Variants in GABBR2 observed in about 807,000 individuals in gnomAD.
GABBR2 encodes the protein G-protein coupled receptor 51.
Under a neutral mutation model 105.6 loss-of-function variants are expected in GABBR2, and 23 were observed. The ratio of observed to expected loss-of-function variants is 0.22; its 90% CI spans 0.16 to 0.31. The LOEUF (loss-of-function observed/expected upper bound fraction) is 0.31, where lower values mean the gene tolerates loss of function less well. Among genes scored for constraint, GABBR2 ranks in the 10% least tolerant of loss-of-function variants. The pLI is 1.00. For synonymous variants in GABBR2, 478 were observed against 499.7 expected, an observed-to-expected ratio of 0.96 and a Z score of 0.58; for missense variants, 734 against 1,245.5, an observed-to-expected ratio of 0.59 and a Z score of 6.18.
At chr9:98,325,283 C>CTTTTTTT (rs886288539) in intron 13 of GABBR2, among the ~76,000 whole-genome samples, 3 of 67,618 alleles carry the variant, frequency 4.4e-5, no homozygotes, top group African/African-American at 1.3e-4. Context: ...GACAGCAATT[C>CTTTTTTT]TTTTTTTTTT....
intron 1 of GABBR2, among the ~76,000 whole-genome samples, chr9:98,589,988 C>T (rs1829125044): frequency 6.6e-6 from 1 of 152,186 alleles, no homozygotes; most frequent in Non-Finnish European, 1.5e-5. Flanking sequence ...CTTGGCCTTC[C>T]AAAGTGCTAG....
intron 2 of GABBR2, 138 bp from the exon 3 acceptor site, chr9:98,542,181 T>G: frequency 1.5e-6 from 1 of 678,976 alleles, no homozygotes; most frequent in Non-Finnish European, 2.4e-6. Context: ...TAAAACTTTT[T>G]TATTGTAAGA....
chr9:98,577,887 G>T (rs767754249), intron 2 of GABBR2, 48 bp downstream of exon 2: 1 of 1,558,966 alleles, frequency 6.4e-7, no homozygotes, highest in South Asian at 1.2e-5. Flanking sequence ...AAAGACTGAG[G>T]GCCAACCAAA....
intron 6 of GABBR2, among the ~76,000 whole-genome samples, chr9:98,471,214 C>T (rs1175801129): frequency 1.3e-5 from 2 of 152,172 alleles, no homozygotes; most frequent in Non-Finnish European, 2.9e-5. Context: ...AATGCTTCCT[C>T]TTGCTTCAAA....
In GABBR2 at chr9:98,531,554, A is replaced by T. The variant is rs1297963169; in HGVS notation, c.630+10319T>A. On this transcript the variant is annotated intron_variant, in intron 3 of 18. Transcript: ENST00000259455. ...CCAGATGTGCACACACTGCTCCAAG[A>T]TGGCAGAAGCACTAGAAACTGGAGC... 4.6e-5 allele frequency among the ~76,000 whole-genome samples: 7 copies of T among 152,250 alleles called. No homozygotes were observed. The East Asian group carries it at 1.3e-3, about 29-fold the overall frequency.
At chr9:98,429,718 C>T (rs1825763952) in intron 7 of GABBR2, among the ~76,000 whole-genome samples, 1 of 152,170 alleles carries the variant, frequency 6.6e-6, no homozygotes, top group Non-Finnish European at 1.5e-5. Context: ...TTCCCAGGGA[C>T]TTCAGAACAA....
At chr9:98,304,944 T>G (rs1410623393) in intron 15 of GABBR2, among the ~76,000 whole-genome samples, 3 of 98,600 alleles carry the variant, frequency 3.0e-5, no homozygotes, top group African/African-American at 1.3e-4. Flanking sequence ...GCTTTTTTTT[T>G]GTATTTTTAG....
intron 13 of GABBR2, among the ~76,000 whole-genome samples, chr9:98,325,484 G>T (rs1302213688): frequency 3.3e-5 from 5 of 151,874 alleles, no homozygotes; most frequent in Non-Finnish European, 2.9e-5. Context: ...TAGAGATGGG[G>T]TTTCCCCATG....
chr9:98,645,992 G>A (rs1363668250), intron 1 of GABBR2, among the ~76,000 whole-genome samples: 1 of 152,194 alleles, frequency 6.6e-6, no homozygotes, highest in African/African-American at 2.4e-5. Context: ...AGCAGGCCAG[G>A]ATGTAAATCC....
chr9:98,482,761 T>C lies in GABBR2; in HGVS notation c.733-1764A>G, dbSNP rs190336743. ...TTCATCTCTGAGAAAGGGATAATCC[T>C]ATCTACCTTGCCCAGTGGTTGTCAA... is the stretch of plus-strand genomic sequence containing the variant. On this transcript the variant is annotated intron_variant, in intron 4 of 18. Transcript: ENST00000259455. 4.8e-3 allele frequency among the ~76,000 whole-genome samples: 738 copies of C among 152,258 alleles called. 4 individuals carry two copies. The highest frequency in any genetic ancestry group is 8.4e-3 in the Non-Finnish European group (574 of 68,016).
chr9:98,612,114 G>A (rs756843228), intron 1 of GABBR2, among the ~76,000 whole-genome samples: 3 of 152,198 alleles, frequency 2.0e-5, no homozygotes, highest in Non-Finnish European at 4.4e-5. Flanking sequence ...TATATCCCAC[G>A]AGTCTTGGCT....
At chr9:98,380,504 G>A (rs1011042301) in intron 11 of GABBR2, among the ~76,000 whole-genome samples, 2 of 152,212 alleles carry the variant, frequency 1.3e-5, no homozygotes, top group African/African-American at 2.4e-5. Context: ...CTCAGCTGCC[G>A]GGGTCCATCC....
chr9:98,546,440 C>A (rs1828403567), intron 2 of GABBR2, among the ~76,000 whole-genome samples: 1 of 152,132 alleles, frequency 6.6e-6, no homozygotes, highest in African/African-American at 2.4e-5. Flanking sequence ...CTTCATTTTT[C>A]AGCAATATAT....
intron 7 of GABBR2, among the ~76,000 whole-genome samples, chr9:98,414,927 A>G (rs1832660897): frequency 6.6e-6 from 1 of 152,226 alleles, no homozygotes; most frequent in Non-Finnish European, 1.5e-5. Context: ...TCCACGAATG[A>G]TCACGTGGAA....
intron 1 of GABBR2, among the ~76,000 whole-genome samples, chr9:98,623,721 T>A (rs1201718732): frequency 6.6e-6 from 1 of 152,182 alleles, no homozygotes; most frequent in Non-Finnish European, 1.5e-5. Context: ...CTTCTCTGCC[T>A]CTGACCCATC....
chr9:98,505,752 G>T (rs148369128), intron 3 of GABBR2, among the ~76,000 whole-genome samples: 1 of 152,250 alleles, frequency 6.6e-6, no homozygotes, highest in East Asian at 1.9e-4. Context: ...TGCATCTGCC[G>T]GCAAGGAGCA....
chr9:98,578,184 C>T, intron 1 of GABBR2, 112 bp from the exon 2 acceptor site: 2 of 1,231,442 alleles, frequency 1.6e-6, no homozygotes, highest in Non-Finnish European at 2.3e-6. Flanking sequence ...TTTCAGTTCT[C>T]CCATGGTGGG....
At chr9:98,386,271 A>G (rs1255554351) in intron 10 of GABBR2, among the ~76,000 whole-genome samples, 1 of 149,130 alleles carries the variant, frequency 6.7e-6, no homozygotes, top group Non-Finnish European at 1.5e-5. Flanking sequence ...AGAATGTGAC[A>G]TGTAACTTCA....
intron 4 of GABBR2, among the ~76,000 whole-genome samples, chr9:98,483,101 C>T (rs974084216): frequency 1.3e-5 from 2 of 152,146 alleles, no homozygotes; most frequent in Non-Finnish European, 1.5e-5. Context: ...CAACATGTCC[C>T]AAGCTGAATC....
Sources: gnomAD v4.1 joint callset for allele counts (sites outside exome capture counted in the v4.1 genomes callset) on GRCh38, gnomAD v4.1.1 for gene constraint, MANE v1.5 for transcripts, NCBI Gene and HGNC (gene_info 2026-07-23, HGNC 2026-07-21) for gene names.